The following ACACA variants were observed in gnomAD, a reference collection of about 807,000 sequenced individuals.
ACACA encodes acetyl-CoA carboxylase alpha.
In ACACA, 103 loss-of-function variants were observed where a neutral mutation model predicts 296.1. The observed-to-expected ratio is 0.35, with a 90% CI of 0.30 to 0.41. The LOEUF (loss-of-function observed/expected upper bound fraction) is 0.41. Among genes scored for constraint, ACACA ranks in the 10% least tolerant of loss-of-function variants. The pLI is 1.00. For missense variants in ACACA, 1,554 were observed against 2,989.7 expected (o/e 0.52, Z 11.20); for synonymous variants, 953 against 1,038.6 (o/e 0.92, Z 1.58).
At position 37,203,441 on chromosome 17, in the gene ACACA, T is replaced by A. The variant is rs1290178104; in HGVS notation, c.4056+2324A>T. The stretch of plus-strand genomic sequence containing the variant: ...TGAAGCAGCAGCAGCAGCAGCCACA[T>A]ATAATATTAAGACTCTTCCAGGCCG... On this transcript the variant is annotated intron_variant, in intron 33 of 55. Transcript: ENST00000616317. Among the ~76,000 whole-genome samples the A allele has an allele frequency of 2.0e-5, 3 of 151,822 alleles. No homozygotes were observed. In the East Asian group the frequency reaches 5.8e-4, roughly 30 times the overall value.
chr17:37,165,920 T>G (rs747097439), intron 41 of ACACA, among the ~76,000 whole-genome samples: 4 of 152,094 alleles, frequency 2.6e-5, no homozygotes, highest in Non-Finnish European at 5.9e-5. Context: ...CAAGCCATCC[T>G]CCTGCCTAGG....
intron 39 of ACACA, among the ~76,000 whole-genome samples, 171 bp from the exon 40 acceptor site, chr17:37,181,527 G>A (rs2077316514): frequency 6.6e-6 from 1 of 151,974 alleles, no homozygotes; most frequent in African/African-American, 2.4e-5. Flanking sequence ...CCTCTCCACA[G>A]ATTAACCAAC....
intron 41 of ACACA, among the ~76,000 whole-genome samples, chr17:37,163,902 T>C (rs2076562463): frequency 6.6e-6 from 1 of 152,220 alleles, no homozygotes; most frequent in African/African-American, 2.4e-5. Flanking sequence ...CCCTTCTATA[T>C]GAGAACTAGT....
intron 52 of ACACA, among the ~76,000 whole-genome samples, chr17:37,103,152 C>T (rs1055927699): frequency 1.3e-5 from 2 of 152,206 alleles, no homozygotes; most frequent in Non-Finnish European, 2.9e-5. Context: ...GCCCCTCTCT[C>T]CTTGTACAGC....
intron 3 of ACACA, among the ~76,000 whole-genome samples, chr17:37,320,196 T>C (rs971423419): frequency 2.5e-4 from 38 of 152,088 alleles, no homozygotes; most frequent in African/African-American, 9.2e-4. Flanking sequence ...AGGCTAACAT[T>C]TAATTAGAGA....
At chr17:37,146,329 TAAAGG>T (rs990527622) in intron 45 of ACACA, among the ~76,000 whole-genome samples, 1 of 150,494 alleles carries the variant, frequency 6.6e-6, no homozygotes, top group Non-Finnish European at 1.5e-5. Context: ...TCATATCTAT[TAAAGG>T]AAGAAACAAT....
intron 25 of ACACA, among the ~76,000 whole-genome samples, chr17:37,228,759 AG>A (rs1420214484): frequency 6.6e-6 from 1 of 152,182 alleles, no homozygotes; most frequent in Non-Finnish European, 1.5e-5. Flanking sequence ...TAAAAACATA[AG>A]AAGTCTACTG....
At chr17:37,248,543 G>T in intron 17 of ACACA, 50 bp downstream of exon 17, 1 of 1,393,354 alleles carries the variant, frequency 7.2e-7, no homozygotes. Flanking sequence ...TCAACCTAAA[G>T]AAAGATAGCT....
intron 1 of ACACA, among the ~76,000 whole-genome samples, chr17:37,382,799 G>T (rs1264603009): frequency 1.3e-5 from 2 of 152,306 alleles, no homozygotes; most frequent in East Asian, 3.9e-4. Context: ...TGCAGAGGTT[G>T]TAGGGAGCTG....
At chr17:37,112,350 C>T (rs1459540890) in intron 51 of ACACA, among the ~76,000 whole-genome samples, 3 of 152,178 alleles carry the variant, frequency 2.0e-5, no homozygotes, top group Non-Finnish European at 2.9e-5. Flanking sequence ...TAATAACTTA[C>T]ATATAAATCC....
Position 37,110,293 on chromosome 17 carries a change from T to G in ACACA, c.6565+1238A>C, listed in dbSNP as rs577042660. Among the ~76,000 whole-genome samples the G allele has an allele frequency of 1.5e-4, 23 of 152,364 alleles. No homozygotes were observed. The East Asian group carries it at 4.4e-3, about 29-fold the overall frequency. ...AGCTCTCTCTATGAACAGTTGTAAG[T>G]AACTTGCTCTTGAGCTGCAGTTACT... is the stretch of plus-strand genomic sequence containing the variant. On this transcript the variant is annotated intron_variant, in intron 52 of 55. Transcript: ENST00000616317.
Position 37,284,946 on chromosome 17 carries a change from T to G in ACACA, c.363A>C (p.Leu121=). The change falls in exon 4 of 56, where the codon CTA becomes CTC. Residue 121 remains leucine (L), a synonymous_variant. Transcript: ENST00000616317. The part of the protein sequence containing the change: ...HIRSSMSGLH[L]VKQGRDRKKI... ...TCTTTCTGTCTCGGCCCTGCTTTAC[T>G]AGGTGCAAGCCAGACATGCTGGACC... 6.2e-7 allele frequency: 1 copy of G among 1,614,182 alleles called. No homozygotes were observed. The highest frequency in any genetic ancestry group is 8.5e-7 in the Non-Finnish European group (1 of 1,180,030).
chr17:37,404,514 G>C (rs2051398237), intron 1 of ACACA, among the ~76,000 whole-genome samples: 1 of 151,298 alleles, frequency 6.6e-6, no homozygotes, highest in African/African-American at 2.4e-5. Context: ...CACTTCACCA[G>C]GCAAAGGGCA....
chr17:37,272,793 A>G (rs2082125032), intron 9 of ACACA, among the ~76,000 whole-genome samples: 1 of 152,168 alleles, frequency 6.6e-6, no homozygotes, highest in African/African-American at 2.4e-5. Context: ...CCCAAAACTT[A>G]TAATTATCAT....
chr17:37,271,253 C>A (rs5011489), intron 9 of ACACA, among the ~76,000 whole-genome samples: 1 of 152,188 alleles, frequency 6.6e-6, no homozygotes, highest in Non-Finnish European at 1.5e-5. Flanking sequence ...CAGTGGCTAA[C>A]GCCTGTAATC....
In ACACA at chr17:37,085,150, C is replaced by T. The variant is rs970259273; in HGVS notation, c.*2166G>A. 12 of 155,158 alleles carry T rather than the reference C, an allele frequency of 7.7e-5. No individual in the cohort carries two copies. Among genetic ancestry groups the T allele is most frequent in the Non-Finnish European group, 1.6e-4 (11 of 70,116 alleles). The allele number at this position is 155,158 out of a possible 1,614,324, so 9.6% of individuals were successfully genotyped here. The stretch of plus-strand genomic sequence containing the variant: ...TATGGCGGTCTCCGTCCAAGCAGGT[C>T]TTGGTCAATATCCATCATTTATACT... On this transcript the variant is annotated 3_prime_UTR_variant, in exon 56 of 56. Coordinates refer to ENST00000616317, the MANE Select transcript of ACACA (RefSeq NM_198834.3).
intron 39 of ACACA, among the ~76,000 whole-genome samples, chr17:37,184,405 G>A (rs1018672083): frequency 1.3e-5 from 2 of 152,210 alleles, no homozygotes; most frequent in African/African-American, 4.8e-5. Context: ...CTTTGGGGGT[G>A]CCCCTTGCTA....
chr17:37,138,015 G>A (rs2075401949), intron 45 of ACACA, among the ~76,000 whole-genome samples: 4 of 152,216 alleles, frequency 2.6e-5, no homozygotes, highest in East Asian at 1.9e-4. Context: ...TCTTAGACGC[G>A]CATACTATTT....
chr17:37,405,294 T>C (rs2093046767), intron 1 of ACACA, among the ~76,000 whole-genome samples: 1 of 152,232 alleles, frequency 6.6e-6, no homozygotes, highest in South Asian at 2.1e-4. Context: ...CATTTAGTAA[T>C]GTGTATATTG....
Sources: gnomAD v4.1 joint callset for allele counts (sites outside exome capture counted in the v4.1 genomes callset) on GRCh38, gnomAD v4.1.1 for gene constraint, MANE v1.5 for transcripts, NCBI Gene and HGNC (gene_info 2026-07-23, HGNC 2026-07-21) for gene names.